Variants in RARB observed in about 807,000 individuals in gnomAD.
RARB encodes retinoic acid receptor beta.
Under a neutral mutation model 51.9 loss-of-function variants are expected in RARB, and 17 were observed. The observed-to-expected ratio is 0.33, with a 90% CI of 0.22 to 0.49. The LOEUF (loss-of-function observed/expected upper bound fraction) is 0.49. Among genes scored for constraint, RARB ranks in the 20% least tolerant of loss-of-function variants. The pLI is 0.99. For missense variants in RARB, 369 were observed against 550.8 expected, an observed-to-expected ratio of 0.67 and a Z score of 3.30; for synonymous variants, 215 against 195.4, an observed-to-expected ratio of 1.10 and a Z score of -0.84.
intron 2 of RARB, among the ~76,000 whole-genome samples, chr3:24,950,915 G>A (rs1408735163): frequency 6.6e-6 from 1 of 152,116 alleles, no homozygotes; most frequent in African/African-American, 2.4e-5. Context: ...AACAATGGTG[G>A]TGGGACACCC....
In RARB at chr3:25,456,682, T is replaced by TATATAGAG. The variant is rs1491372969; in HGVS notation, c.158-4510_158-4509insTATAGAGA. ...TTGAATATATATATATATATATATA[T>TATATAGAG]AGAGAGAGAGAGAGAGAGAGAGAGA... On this transcript the variant is annotated intron_variant, in intron 1 of 7. Coordinates refer to ENST00000330688, the MANE Select transcript of RARB (RefSeq NM_000965.5). 6.9e-4 allele frequency among the ~76,000 whole-genome samples: 61 copies of TATATAGAG among 88,360 alleles called. 1 individual carries two copies. Among genetic ancestry groups the TATATAGAG allele is most frequent in the Non-Finnish European group, 1.0e-3 (48 of 46,570 alleles). The allele number at this position is 88,360 out of a possible 152,430, so 58.0% of individuals were successfully genotyped here.
Position 24,979,199 on chromosome 3 carries a change from G to A in RARB, c.-379-80926G>A, listed in dbSNP as rs563572113. Reference sequence around the variant, plus strand: ...ATGTAGTCAATTTTAGAATAAGTGCGATGTGGTGCTGAGAAGAATGTATAT... The same window carrying A: ...ATGTAGTCAATTTTAGAATAAGTGCAATGTGGTGCTGAGAAGAATGTATAT... On this transcript the variant is annotated intron_variant, in intron 2 of 11. Coordinates refer to the RARB transcript ENST00000383772. Among the ~76,000 whole-genome samples the A allele has an allele frequency of 1.7e-4, 26 of 152,270 alleles. No homozygotes were observed. The South Asian group carries it at 3.1e-3, about 18-fold the overall frequency.
chr3:25,163,504 A>AAAATATATATATAT (rs1303712411), intron 4 of RARB, among the ~76,000 whole-genome samples: 18 of 131,106 alleles, frequency 1.4e-4, no homozygotes, highest in African/African-American at 4.8e-4. Flanking sequence ...CCTATCTCAA[A>AAAATATATATATAT]ATATATATAT....
intron 5 of RARB, among the ~76,000 whole-genome samples, chr3:25,230,626 A>G (rs1183885944): frequency 6.6e-6 from 1 of 152,028 alleles, no homozygotes; most frequent in African/African-American, 2.4e-5. Context: ...TAGGCATTAT[A>G]TACACATCAC....
At chr3:24,983,911 G>A (rs969307870) in intron 2 of RARB, among the ~76,000 whole-genome samples, 38 of 152,238 alleles carry the variant, frequency 2.5e-4, no homozygotes, top group African/African-American at 8.9e-4. Flanking sequence ...AAAAAGACAT[G>A]TAGAAATAGT....
At chr3:25,414,495 A>T (rs529655555) in intron 5 of RARB, among the ~76,000 whole-genome samples, 6 of 152,336 alleles carry the variant, frequency 3.9e-5, no homozygotes, top group African/African-American at 1.4e-4. Flanking sequence ...GAAATGTTCA[A>T]ACTGGTTTAT....
chr3:25,136,699 G>A (rs528864132), intron 4 of RARB, among the ~76,000 whole-genome samples: 3 of 152,104 alleles, frequency 2.0e-5, no homozygotes, highest in Admixed American at 6.6e-5. Context: ...GTGCTAACTG[G>A]GAGGGAAGAT....
chr3:25,252,510 T>C (rs1702751565), intron 5 of RARB, among the ~76,000 whole-genome samples: 1 of 152,214 alleles, frequency 6.6e-6, no homozygotes, highest in Non-Finnish European at 1.5e-5. Flanking sequence ...TTAGGTCTTC[T>C]TTAACTTCTT....
At chr3:25,558,799 G>A (rs1196427479) in intron 3 of RARB, among the ~76,000 whole-genome samples, 2 of 152,096 alleles carry the variant, frequency 1.3e-5, no homozygotes, top group Non-Finnish European at 2.9e-5. Context: ...GATACCATCA[G>A]TAGCCCAATA....
intron 1 of RARB, among the ~76,000 whole-genome samples, chr3:24,843,928 C>T (rs1401389943): frequency 6.6e-6 from 1 of 152,004 alleles, no homozygotes; most frequent in Non-Finnish European, 1.5e-5. Context: ...CACACACACA[C>T]ACACACACAT....
At chr3:24,880,460 A>T (rs1009045658) in intron 2 of RARB, among the ~76,000 whole-genome samples, 4 of 152,196 alleles carry the variant, frequency 2.6e-5, no homozygotes, top group Non-Finnish European at 4.4e-5. Context: ...AAGGGATAGA[A>T]ATATTCAAGT....
intron 2 of RARB, among the ~76,000 whole-genome samples, chr3:24,959,220 C>T (rs1696086863): frequency 6.6e-6 from 1 of 152,160 alleles, no homozygotes; most frequent in Non-Finnish European, 1.5e-5. Flanking sequence ...CAGCCTTTAG[C>T]ATCTGCACAT....
chr3:25,559,070 C>G (rs1049275152), intron 3 of RARB, among the ~76,000 whole-genome samples: 10 of 152,056 alleles, frequency 6.6e-5, no homozygotes, highest in African/African-American at 2.4e-4. Context: ...TTTTTCCTCC[C>G]CTTTTGGCCT....
At chr3:25,408,058 C>T (rs1194493943) in intron 5 of RARB, among the ~76,000 whole-genome samples, 2 of 152,112 alleles carry the variant, frequency 1.3e-5, no homozygotes, top group East Asian at 1.9e-4. Context: ...TTGGATCTTC[C>T]GTATAAACCA....
chr3:25,176,171 A>G lies in RARB; in HGVS notation c.178+1596A>G, dbSNP rs1033254156. ...AAGTTGAGATATGAGTAGGATTCCCATGCTGAATGATCAAATTTGGCAGAT... is the reference window on the plus strand; with the variant it reads ...AAGTTGAGATATGAGTAGGATTCCCGTGCTGAATGATCAAATTTGGCAGAT... On this transcript the variant is annotated intron_variant, in intron 5 of 11. Coordinates refer to the RARB transcript ENST00000383772. 6.6e-5 allele frequency among the ~76,000 whole-genome samples: 10 copies of G among 152,044 alleles called. 1 individual carries two copies. The highest frequency in any genetic ancestry group is 5.2e-4 in the Admixed American group (8 of 15,260).
intron 2 of RARB, among the ~76,000 whole-genome samples, chr3:24,869,671 T>C (rs1388208495): frequency 2.0e-5 from 3 of 152,134 alleles, no homozygotes; most frequent in African/African-American, 7.2e-5. Flanking sequence ...CATACAGACA[T>C]AGCGTAGCAC....
chr3:25,160,796 G>A (rs1218137099), intron 4 of RARB, among the ~76,000 whole-genome samples: 3 of 152,148 alleles, frequency 2.0e-5, no homozygotes, highest in Non-Finnish European at 2.9e-5. Context: ...TCTGCAAGGA[G>A]AACTTGTTTC....
chr3:25,480,057 G>A (rs1696150681), intron 2 of RARB, among the ~76,000 whole-genome samples: 2 of 152,214 alleles, frequency 1.3e-5, no homozygotes, highest in South Asian at 4.1e-4. Context: ...TTGTAGAGGT[G>A]TGTGGATTCT....
chr3:25,253,110 T>G (rs984890043), intron 5 of RARB, among the ~76,000 whole-genome samples: 1 of 152,148 alleles, frequency 6.6e-6, no homozygotes. Flanking sequence ...AATTATCCCA[T>G]TTGCCTAATT....
Sources: gnomAD v4.1 joint callset for allele counts (sites outside exome capture counted in the v4.1 genomes callset) on GRCh38, gnomAD v4.1.1 for gene constraint, MANE v1.5 for transcripts, NCBI Gene and HGNC (gene_info 2026-07-23, HGNC 2026-07-21) for gene names.